PMIS2: variants seen among roughly 807,000 people sequenced by gnomAD.
PMIS2 encodes the protein transmembrane protein PMIS2.
chr19:35,587,188 G>A lies in PMIS2; in HGVS notation c.*42G>A, dbSNP rs545682367. On this transcript the variant is annotated 3_prime_UTR_variant, in exon 2 of 2. Transcript: ENST00000646476. ...CAACCCAGGGGTCCGCTCCCCAACC[G>A]AGCCACTCACCAAACACTAACCAGC... The A allele has an allele frequency of 2.8e-5, 11 of 398,236 alleles. No individual in the cohort carries two copies. In the South Asian group the frequency reaches 6.4e-4, roughly 23 times the overall value. 24.7% of individuals were successfully genotyped at this position (398,236 alleles called of 1,614,324 possible).
exon 1 of PMIS2, chr19:35,586,312 C>T (rs560114755): frequency 1.1e-4 from 42 of 398,270 alleles, no homozygotes; most frequent in African/African-American, 7.0e-4. Context: ...GCGCCAGCTA[C>T]CCCAGACGCC....
intron 1 of PMIS2, among the ~76,000 whole-genome samples, 152 bp from the exon 2 acceptor site, chr19:35,586,824 C>T (rs893403008): frequency 3.3e-5 from 5 of 152,112 alleles, no homozygotes; most frequent in Non-Finnish European, 7.4e-5. Flanking sequence ...GTGATCCACC[C>T]GCCTTGGCCT....
exon 2 of PMIS2, chr19:35,587,184 A>G (rs1292670784): frequency 5.0e-6 from 2 of 398,362 alleles, no homozygotes; most frequent in East Asian, 3.6e-5. Context: ...TCCGCTCCCC[A>G]ACCGAGCCAC....
At chr19:35,586,595 T>A in intron 1 of PMIS2, 54 bp downstream of exon 1, 1 of 397,288 alleles carries the variant, frequency 2.5e-6, no homozygotes, top group South Asian at 1.4e-4. Flanking sequence ...TTTTTTTCTT[T>A]TTGAGACCCA....
downstream of PMIS2, chr19:35,587,257 G>T (rs1025957602): frequency 1.0e-5 from 4 of 396,154 alleles, no homozygotes; most frequent in African/African-American, 8.2e-5. Context: ...GAGACATCTA[G>T]CCAAGAAATC....
exon 1 of PMIS2, chr19:35,586,454 T>C (rs139435859): frequency 4.7e-4 from 186 of 398,670 alleles, no homozygotes; most frequent in African/African-American, 3.5e-3. Flanking sequence ...AACTAGCATT[T>C]TACGCCCCAA....
intron 1 of PMIS2, 98 bp downstream of exon 1, chr19:35,586,639 G>T (rs999143855): frequency 2.5e-6 from 1 of 395,188 alleles, no homozygotes; most frequent in Non-Finnish European, 4.4e-6. Flanking sequence ...GAGTGCAGTG[G>T]TGCAATCTCG....
chr19:35,586,573 C>CTT (rs58198918), intron 1 of PMIS2, 32 bp downstream of exon 1: 244 of 364,416 alleles, frequency 6.7e-4, no homozygotes, highest in Middle Eastern at 1.4e-3. Context: ...AGCCCCCGTC[C>CTT]TTTTTTTTTT....
exon 1 of PMIS2, chr19:35,586,217 C>T: frequency 2.5e-6 from 1 of 398,840 alleles, no homozygotes; most frequent in Non-Finnish European, 4.4e-6. Context: ...GTCTGGCGCT[C>T]CGTTTTCAAG....
chr19:35,586,636 G>C (rs891297746), intron 1 of PMIS2, 95 bp downstream of exon 1: 17 of 393,902 alleles, frequency 4.3e-5, no homozygotes, highest in African/African-American at 3.6e-4. Flanking sequence ...CTGGAGTGCA[G>C]TGGTGCAATC....
At chr19:35,587,205 C>G (rs545514085) in exon 2 of PMIS2, 46 of 398,328 alleles carry the variant, frequency 1.2e-4, no homozygotes, top group Middle Eastern at 1.3e-3. Flanking sequence ...TCACCAAACA[C>G]TAACCAGCCA....
At position 35,586,962 on chromosome 19, in the gene PMIS2, A is replaced by G. The variant is rs867352014; in HGVS notation, c.283-59A>G. The G allele has an allele frequency of 2.5e-5, 10 of 398,534 alleles. No homozygotes were observed. Among genetic ancestry groups the G allele is most frequent in the African/African-American group, 8.2e-5 (4 of 48,588 alleles). 24.7% of individuals were successfully genotyped at this position (398,534 alleles called of 1,614,324 possible). A position where few individuals can be genotyped will look rare whatever the true frequency, so the allele number is the denominator to read the frequency against. On this transcript the variant is annotated intron_variant, in intron 1 of 1. Transcript: ENST00000646476. ...TTCCCTCAGTGACTGCAGGTCTCCA[A>G]CCGTTCTCCCCAGGGTTCCTGGACA... is the stretch of plus-strand genomic sequence containing the variant.
exon 2 of PMIS2, chr19:35,587,091 G>T: frequency 2.5e-6 from 1 of 398,610 alleles, no homozygotes; most frequent in Non-Finnish European, 4.4e-6. Flanking sequence ...GGTTGGTTCG[G>T]TGCATTCGTG....
chr19:35,586,747 T>G (rs1195531666), intron 1 of PMIS2, among the ~76,000 whole-genome samples: 1 of 151,974 alleles, frequency 6.6e-6, no homozygotes, highest in African/African-American at 2.4e-5. Flanking sequence ...GCCCGGCTCA[T>G]TTTTGTATTT....
chr19:35,586,302 G>A (rs1396976498), exon 1 of PMIS2: 1 of 398,788 alleles, frequency 2.5e-6, no homozygotes, highest in Non-Finnish European at 4.4e-6. Flanking sequence ...TGCTCCCAAC[G>A]CGCCAGCTAC....
chr19:35,586,622 C>T (rs1051289279), intron 1 of PMIS2, 81 bp downstream of exon 1: 3 of 395,372 alleles, frequency 7.6e-6, no homozygotes, highest in African/African-American at 2.1e-5. Context: ...CTCTGTCCCC[C>T]AGGCTGGAGT....
exon 1 of PMIS2, chr19:35,586,464 A>G: frequency 2.5e-6 from 1 of 398,556 alleles, no homozygotes; most frequent in Non-Finnish European, 4.4e-6. Context: ...TTACGCCCCA[A>G]ACTACCTATG....
chr19:35,586,465 A>G (rs1376552688), exon 1 of PMIS2: 1 of 398,374 alleles, frequency 2.5e-6, no homozygotes, highest in East Asian at 3.6e-5. Flanking sequence ...TACGCCCCAA[A>G]CTACCTATGT....
Position 35,586,271 on chromosome 19 carries a change from A to AC in PMIS2, c.14dup (p.Pro6ThrfsTer22). 2.5e-6 allele frequency: 1 copy of AC among 398,962 alleles called. No individual in the cohort carries two copies. The highest frequency in any genetic ancestry group is 3.6e-5 in the East Asian group (1 of 28,062). 24.7% of individuals were successfully genotyped at this position (398,962 alleles called of 1,614,324 possible). A position where few individuals can be genotyped will look rare whatever the true frequency, so the allele number is the denominator to read the frequency against. ...TGAGGGGAAAGGTCATGGCCCTGAA[A>AC]CCACCTTCTGCCACCCAGCCTGCTC... On this transcript the variant is annotated frameshift_variant, in exon 1 of 2. Coordinates refer to ENST00000646476, the Ensembl canonical transcript of PMIS2. LOFTEE classifies it high-confidence loss of function.
Sources: allele counts gnomAD v4.1 joint callset (sites outside exome capture counted in the v4.1 genomes callset), GRCh38; gene constraint gnomAD v4.1.1; transcripts MANE v1.5; gene names NCBI Gene and HGNC (gene_info 2026-07-23, HGNC 2026-07-21).